ZSWIM9: variants seen among roughly 807,000 people sequenced by gnomAD.
The protein encoded by ZSWIM9 is zinc finger SWIM-type containing 9.
In ZSWIM9, 11 loss-of-function variants were observed where a neutral mutation model predicts 25.0. The observed-to-expected ratio is 0.44, with a 90% CI of 0.28 to 0.73. The LOEUF (loss-of-function observed/expected upper bound fraction) is 0.73, where lower values mean the gene tolerates loss of function less well. Ranked by LOEUF, ZSWIM9 falls within the 30% of genes least tolerant of loss-of-function variation. The pLI is 0.16. For synonymous variants in ZSWIM9, 562 were observed against 582.1 expected (o/e 0.97, Z 0.50); for missense variants, 1,070 against 1,296.5 (o/e 0.83, Z 2.68).
At position 48,172,072 on chromosome 19, in the gene ZSWIM9, C is replaced by G; in HGVS notation, c.270C>G (p.Ala90=). 1 of 1,259,998 alleles carries G rather than the reference C, an allele frequency of 7.9e-7. No individual in the cohort carries two copies. Among genetic ancestry groups the G allele is most frequent in the Non-Finnish European group, 1.0e-6 (1 of 971,032 alleles). The allele number at this position is 1,259,998 out of a possible 1,614,324, so 78.1% of individuals were successfully genotyped here. The change falls in exon 2 of 4, where the codon GCC becomes GCG. Residue 90 remains alanine, a synonymous_variant. Coordinates refer to ENST00000614654, the MANE Select transcript of ZSWIM9 (RefSeq NM_199341.4). ...ACGTGCGTGCGCCCAGCCGGCCCGC[C>G]GTGGGGTGCGTGAACCTGAGCCGCT... ...CKDVRAPSRP[A]VGPPQPGCPA... is the part of the protein sequence containing the mutation.
Position 48,195,372 on chromosome 19 carries a change from C to T in ZSWIM9, c.1308C>T (p.Ala436=). ...CLRDLVAMQW[A]DAAGEAVPEG... is the part of the protein sequence containing the mutation. ...GCGACCTGGTGGCCATGCAGTGGGC[C>T]GACGCGGCCGGGGAGGCGGTGCCCG... Residue 436 remains alanine, a synonymous_variant, in exon 4 of 4, where the codon GCC becomes GCT. Transcript: ENST00000614654. This position sits in a 1 kb window ranked among gnomAD's most constrained non-coding sequence, Gnocchi z 5.8. 1 of 1,508,798 alleles carries T rather than the reference C, an allele frequency of 6.6e-7. No homozygotes were observed. The highest frequency in any genetic ancestry group is 1.2e-5 in the South Asian group (1 of 80,120). The allele number at this position is 1,508,798 out of a possible 1,614,324, so 93.5% of individuals were successfully genotyped here.
In ZSWIM9 at chr19:48,197,362, A is replaced by C; in HGVS notation, c.*535A>C. 1.4e-6 allele frequency: 1 copy of C among 693,514 alleles called. No homozygotes were observed. The highest frequency in any genetic ancestry group is 2.6e-6 in the Non-Finnish European group (1 of 380,456). The allele number at this position is 693,514 out of a possible 1,614,324, so 43.0% of individuals were successfully genotyped here. ...GAAGACATGAGGAAAAGCTGGGGGAAGCAGGAGAGGAAGGGACGGGATGTA... is the reference window on the plus strand; with the variant it reads ...GAAGACATGAGGAAAAGCTGGGGGACGCAGGAGAGGAAGGGACGGGATGTA... On this transcript the variant is annotated 3_prime_UTR_variant, in exon 4 of 4. Coordinates refer to ENST00000614654, the MANE Select transcript of ZSWIM9 (RefSeq NM_199341.4).
chr19:48,178,338 A>G (rs1299281236), intron 2 of ZSWIM9, among the ~76,000 whole-genome samples: 1 of 152,098 alleles, frequency 6.6e-6, no homozygotes, highest in East Asian at 1.9e-4. Flanking sequence ...TAACAAAGAA[A>G]ATTTTTAAGC....
rs1459247683 is a variant in ZSWIM9 at position 48,195,303 on chromosome 19, G to A, written c.1239G>A (p.Leu413=). ...TGGTGCGAGGCCACCGCCGGCGACTGCTGCGTCGTCTCAGCCCCTCGCGTG... is the reference window on the plus strand; with the variant it reads ...TGGTGCGAGGCCACCGCCGGCGACTACTGCGTCGTCTCAGCCCCTCGCGTG... ...CALVRGHRRR[L]LRRLSPSRGV... is the part of the protein sequence containing the mutation. Residue 413 remains leucine (L), a synonymous_variant, in exon 4 of 4, where the codon CTG becomes CTA. Transcript: ENST00000614654. This position sits in a 1 kb window ranked among gnomAD's most constrained non-coding sequence, Gnocchi z 5.8. 6.5e-7 allele frequency: 1 copy of A among 1,530,522 alleles called. No individual in the cohort carries two copies. The highest frequency in any genetic ancestry group is 2.5e-5 in the East Asian group (1 of 40,558). 94.8% of individuals were successfully genotyped at this position (1,530,522 alleles called of 1,614,324 possible).
chr19:48,184,767 T>C (rs1237006849), intron 3 of ZSWIM9, among the ~76,000 whole-genome samples: 1 of 152,214 alleles, frequency 6.6e-6, no homozygotes, highest in Non-Finnish European at 1.5e-5. Flanking sequence ...ACAAGGAAAC[T>C]GAAGCACAGA....
rs1291777911 is a variant in ZSWIM9 at position 48,195,381 on chromosome 19, C to A, written c.1317C>A (p.Ala439=). The A allele has an allele frequency of 2.7e-6, 4 of 1,494,106 alleles. No homozygotes were observed. The highest frequency in any genetic ancestry group is 3.5e-6 in the Non-Finnish European group (4 of 1,130,936). The allele number at this position is 1,494,106 out of a possible 1,614,324, so 92.6% of individuals were successfully genotyped here. Residue 439 remains alanine (A), a synonymous_variant, in exon 4 of 4, where the codon GCC becomes GCA. Coordinates refer to ENST00000614654, the MANE Select transcript of ZSWIM9 (RefSeq NM_199341.4). The surrounding 1 kb of genome is among the most constrained non-coding windows in gnomAD (Gnocchi z 5.8). ...TGGCCATGCAGTGGGCCGACGCGGC[C>A]GGGGAGGCGGTGCCCGAGGGGCCCG... ...DLVAMQWADA[A]GEAVPEGPDG... is the part of the protein sequence containing the mutation.
rs888983612 is a variant in ZSWIM9, at chr19:48,197,304, TGGA to T, written c.*482_*484del. On this transcript the variant is annotated 3_prime_UTR_variant, in exon 4 of 4. Transcript: ENST00000614654. Reference sequence around the variant, plus strand: ...AAAAAATGGAAAGGGGAGCCGGAAATGGAGGAGAGAGGACAAGCAAAGAGACAG... The same window carrying T: ...AAAAAATGGAAAGGGGAGCCGGAAATGGAGAGAGGACAAGCAAAGAGACAG... 11 of 697,592 alleles carry T rather than the reference TGGA, an allele frequency of 1.6e-5. No individual in the cohort carries two copies. The highest frequency in any genetic ancestry group is 2.7e-5 in the East Asian group (1 of 36,998). The allele number at this position is 697,592 out of a possible 1,614,324, so 43.2% of individuals were successfully genotyped here.
At chr19:48,188,447 TC>T (rs1299326322) in intron 3 of ZSWIM9, among the ~76,000 whole-genome samples, 1 of 152,098 alleles carries the variant, frequency 6.6e-6, no homozygotes, top group East Asian at 2.0e-4. Context: ...CAGAATGGTC[TC>T]GATCTCCTGG....
In ZSWIM9 at chr19:48,197,470, G is replaced by T. The variant is rs1048440034; in HGVS notation, c.*643G>T. Reference sequence around the variant, plus strand: ...ACGAAATGCAAGGGGCGTGGTTTTGGTTTTTCTCCAAGACCTGGAGACATC... The same window carrying T: ...ACGAAATGCAAGGGGCGTGGTTTTGTTTTTTCTCCAAGACCTGGAGACATC... On this transcript the variant is annotated 3_prime_UTR_variant, in exon 4 of 4. Transcript: ENST00000614654. The T allele has an allele frequency of 3.9e-5, 22 of 563,994 alleles. No homozygotes were observed. Among genetic ancestry groups the T allele is most frequent in the Admixed American group, 2.4e-4 (8 of 33,694 alleles). The allele number at this position is 563,994 out of a possible 1,614,324, so 34.9% of individuals were successfully genotyped here.
rs1265236437 is a variant in ZSWIM9, at chr19:48,172,063, C to T, written c.261C>T (p.Ser87=). Residue 87 remains serine (S), a synonymous_variant, in exon 2 of 4, where the codon AGC becomes AGT. Coordinates refer to ENST00000614654, the MANE Select transcript of ZSWIM9 (RefSeq NM_199341.4). ...TGTGCAAGGACGTGCGTGCGCCCAG[C>T]CGGCCCGCCGTGGGGTGCGTGAACC... ...RLVCKDVRAP[S]RPAVGPPQPG... is the part of the protein sequence containing the mutation. The T allele has an allele frequency of 6.6e-7, 1 of 1,521,126 alleles. No individual in the cohort carries two copies. The highest frequency in any genetic ancestry group is 8.8e-7 in the Non-Finnish European group (1 of 1,135,690). The allele number at this position is 1,521,126 out of a possible 1,614,324, so 94.2% of individuals were successfully genotyped here.
Position 48,196,848 on chromosome 19 carries a change from C to A in ZSWIM9, c.*21C>A. The A allele has an allele frequency of 1.6e-6, 2 of 1,245,900 alleles. No individual in the cohort carries two copies. The highest frequency in any genetic ancestry group is 2.0e-6 in the Non-Finnish European group (2 of 996,486). The allele number at this position is 1,245,900 out of a possible 1,614,324, so 77.2% of individuals were successfully genotyped here. On this transcript the variant is annotated 3_prime_UTR_variant, in exon 4 of 4. Coordinates refer to ENST00000614654, the MANE Select transcript of ZSWIM9 (RefSeq NM_199341.4). ...CCTGACCCTTCATGCCTCTGCCCACCACCCTCCACCAGGAGGGTCGGAGGG... is the reference window on the plus strand; with the variant it reads ...CCTGACCCTTCATGCCTCTGCCCACAACCCTCCACCAGGAGGGTCGGAGGG...
chr19:48,185,201 G>A (rs1168348290), intron 3 of ZSWIM9, among the ~76,000 whole-genome samples: 3 of 151,146 alleles, frequency 2.0e-5, no homozygotes, highest in Admixed American at 6.6e-5. Flanking sequence ...GTGCAATGGC[G>A]GAATCTTGGC....
In ZSWIM9 at chr19:48,195,526, AG is replaced by A. The variant is rs1379020839; in HGVS notation, c.1466del (p.Gly489GlufsTer53). The A allele has an allele frequency of 1.4e-6, 2 of 1,414,062 alleles. No individual in the cohort carries two copies. Among genetic ancestry groups the A allele is most frequent in the African/African-American group, 3.0e-5 (2 of 66,532 alleles). The allele number at this position is 1,414,062 out of a possible 1,614,324, so 87.6% of individuals were successfully genotyped here. A position where few individuals can be genotyped will look rare whatever the true frequency, so the allele number is the denominator to read the frequency against. ...GGCTCCGAAAGAAGGAAGTATTTGGAGGGGAGCCCAGATGGAGAAGGAGTGG... is the reference window on the plus strand; with the variant it reads ...GGCTCCGAAAGAAGGAAGTATTTGGAGGGAGCCCAGATGGAGAAGGAGTGG... Reference protein sequence around the residue: ...GGAPKEGSIWRGAQMEKEWAR... With the variant: ...GGAPKEGSIWXGAQMEKEWAR... On this transcript the variant is annotated frameshift_variant, in exon 4 of 4. Coordinates refer to ENST00000614654, the MANE Select transcript of ZSWIM9 (RefSeq NM_199341.4). LOFTEE classifies it low-confidence loss of function (END_TRUNC). The surrounding 1 kb of genome is among the most constrained non-coding windows in gnomAD (Gnocchi z 5.8).
At chr19:48,183,762 G>C (rs919757358) in intron 3 of ZSWIM9, among the ~76,000 whole-genome samples, 3 of 149,468 alleles carry the variant, frequency 2.0e-5, no homozygotes, top group Admixed American at 6.7e-5. Context: ...TCATTCTCCC[G>C]AGCAGCTGGG....
In ZSWIM9 at chr19:48,196,139, G is replaced by A; in HGVS notation, c.2075G>A (p.Arg692Lys). Residue 692 changes from arginine to lysine, a missense_variant, in exon 4 of 4, where the codon AGA (arginine) becomes AAA (lysine). Arg to Lys is a conservative substitution (Grantham distance 26). Around this residue, in one of 4 missense-constraint regions of ZSWIM9, gnomAD observed 583 missense variants for 624.7 expected, o/e 0.93. Transcript: ENST00000614654. The part of the protein sequence containing the change: ...RGPQWEDERR[R>K]GPEIAEERGA... ...CCCCAGTGGGAAGATGAGAGGAGGA[G>A]AGGGCCAGAGATTGCAGAGGAGAGG... The A allele has an allele frequency of 3.2e-6, 4 of 1,240,708 alleles. No individual in the cohort carries two copies. The highest frequency in any genetic ancestry group is 4.0e-6 in the Non-Finnish European group (4 of 993,672). The allele number at this position is 1,240,708 out of a possible 1,614,324, so 76.9% of individuals were successfully genotyped here.
chr19:48,197,494 T>A lies in ZSWIM9; in HGVS notation c.*667T>A. 1 of 559,596 alleles carries A rather than the reference T, an allele frequency of 1.8e-6. No homozygotes were observed. The highest frequency in any genetic ancestry group is 3.0e-5 in the East Asian group (1 of 33,642). The allele number at this position is 559,596 out of a possible 1,614,324, so 34.7% of individuals were successfully genotyped here. On this transcript the variant is annotated 3_prime_UTR_variant, in exon 4 of 4. Transcript: ENST00000614654. ...GGTTTTTCTCCAAGACCTGGAGACA[T>A]CGACCCCCATCGCCTTCTGAAGAGA...
chr19:48,191,215 G>GT (rs1023387439), intron 3 of ZSWIM9, among the ~76,000 whole-genome samples: 2 of 150,342 alleles, frequency 1.3e-5, no homozygotes, highest in Admixed American at 1.3e-4. Context: ...TTGTTTGTTT[G>GT]TTTTTTTGAG....
intron 2 of ZSWIM9, among the ~76,000 whole-genome samples, 197 bp downstream of exon 2, chr19:48,172,274 A>G (rs1025775270): frequency 6.6e-5 from 10 of 151,944 alleles, no homozygotes; most frequent in African/African-American, 2.4e-4. Context: ...CTAGAGAGAC[A>G]AAGATACTCA....
Position 48,197,046 on chromosome 19 carries a change from T to G in ZSWIM9, c.*219T>G. The G allele has an allele frequency of 1.9e-6, 1 of 538,484 alleles. No homozygotes were observed. Among genetic ancestry groups the G allele is most frequent in the Non-Finnish European group, 3.3e-6 (1 of 306,902 alleles). The allele number at this position is 538,484 out of a possible 1,614,324, so 33.4% of individuals were successfully genotyped here. A position where few individuals can be genotyped will look rare whatever the true frequency, so the allele number is the denominator to read the frequency against. Reference sequence around the variant, plus strand: ...GAGCCACAGCTTGGGAAGGTGTTGATGGGCAGGGTGGATTCTGAGGGCTTC... The same window carrying G: ...GAGCCACAGCTTGGGAAGGTGTTGAGGGGCAGGGTGGATTCTGAGGGCTTC... On this transcript the variant is annotated 3_prime_UTR_variant, in exon 4 of 4. Transcript: ENST00000614654.
Sources: allele counts gnomAD v4.1 joint callset (sites outside exome capture counted in the v4.1 genomes callset), GRCh38; gene constraint gnomAD v4.1.1; regional missense constraint gnomAD v4.1.1; non-coding constraint Gnocchi (gnomAD v3.1); transcripts MANE v1.5; gene names NCBI Gene and HGNC (gene_info 2026-07-23, HGNC 2026-07-21).